Variants in CCDC63 observed in about 807,000 individuals in gnomAD.
CCDC63 encodes the protein coiled-coil domain-containing protein 63.
In CCDC63, 54 loss-of-function variants were observed where a neutral mutation model predicts 63.6. The ratio of observed to expected loss-of-function variants is 0.85; its 90% CI spans 0.68 to 1.07. The LOEUF (loss-of-function observed/expected upper bound fraction) is 1.07, where lower values mean the gene tolerates loss of function less well. Among genes scored for constraint, CCDC63 ranks in the 50% least tolerant of loss-of-function variants. The pLI, the probability that CCDC63 is intolerant of heterozygous loss-of-function variation, is 0.00. For synonymous variants in CCDC63, 253 were observed against 266.1 expected (o/e 0.95, Z 0.48); for missense variants, 637 against 689.6 (o/e 0.92, Z 0.86).
chr12:110,856,160 A>C (rs576053061), intron 3 of CCDC63, among the ~76,000 whole-genome samples: 32 of 144,014 alleles, frequency 2.2e-4, no homozygotes, highest in Non-Finnish European at 4.3e-4. Flanking sequence ...AATTTGGCTC[A>C]CTGCAACCTC....
At chr12:110,854,957 C>T (rs1267733752) in intron 3 of CCDC63, among the ~76,000 whole-genome samples, 1 of 152,004 alleles carries the variant, frequency 6.6e-6, no homozygotes, top group Non-Finnish European at 1.5e-5. Context: ...TGCCAGCACG[C>T]CTGGCTAATT....
chr12:110,867,393 C>T (rs1490638304), intron 4 of CCDC63, among the ~76,000 whole-genome samples: 35 of 124,178 alleles, frequency 2.8e-4, no homozygotes, highest in South Asian at 2.7e-4. Flanking sequence ...GCTGGCCGGG[C>T]GGGGGGCTGA....
intron 8 of CCDC63, among the ~76,000 whole-genome samples, chr12:110,886,875 A>G (rs1593683635): frequency 6.6e-6 from 1 of 152,248 alleles, no homozygotes; most frequent in East Asian, 1.9e-4. Context: ...CAGGACAGGC[A>G]CAGGAAATGG....
chr12:110,857,062 C>T (rs1197185421), intron 3 of CCDC63, among the ~76,000 whole-genome samples: 1 of 152,028 alleles, frequency 6.6e-6, no homozygotes, highest in Non-Finnish European at 1.5e-5. Context: ...GCCTCGGCCT[C>T]CCAAAGTGCT....
intron 10 of CCDC63, 57 bp from the exon 11 acceptor site, chr12:110,904,531 G>A (rs1420008015): frequency 5.3e-6 from 8 of 1,514,224 alleles, no homozygotes; most frequent in Non-Finnish European, 7.3e-6. Context: ...ACCACCCACA[G>A]TGCCCCCAGG....
At chr12:110,880,785 G>GTGA (rs755723385) in intron 6 of CCDC63, among the ~76,000 whole-genome samples, 3 of 1,104 alleles carry the variant, frequency 2.7e-3, no homozygotes, top group African/African-American at 0.014. Flanking sequence ...GATGATGGTG[G>GTGA]TGATGATGAT....
chr12:110,903,798 G>C (rs1189202679), intron 10 of CCDC63, among the ~76,000 whole-genome samples: 1 of 152,156 alleles, frequency 6.6e-6, no homozygotes, highest in Non-Finnish European at 1.5e-5. Flanking sequence ...AGTGTGTAGG[G>C]AAAGGCATTC....
At chr12:110,876,559 C>A (rs1309208702) in intron 5 of CCDC63, among the ~76,000 whole-genome samples, 1 of 152,136 alleles carries the variant, frequency 6.6e-6, no homozygotes, top group Non-Finnish European at 1.5e-5. Context: ...CCGGTTGCTT[C>A]ACTTGCTTTA....
At chr12:110,847,257 A>G (rs1398603042) in intron 1 of CCDC63, among the ~76,000 whole-genome samples, 152 bp downstream of exon 1, 31 of 152,206 alleles carry the variant, frequency 2.0e-4, no homozygotes, top group Admixed American at 2.0e-3. Context: ...GCATAAATAA[A>G]TTGTAGTGTG....
intron 4 of CCDC63, among the ~76,000 whole-genome samples, chr12:110,859,497 G>A (rs924582480): frequency 5.9e-5 from 9 of 151,804 alleles, no homozygotes; most frequent in Non-Finnish European, 1.3e-4. Flanking sequence ...GTAGAGACAG[G>A]GTTTCACCAT....
In CCDC63 at chr12:110,907,443, T is replaced by C. The variant is rs150312719; in HGVS notation, c.1659T>C (p.Asp553=). The part of the protein sequence containing the change: ...VRGDSLPEKV[D]DFRSRKKVTM ...GAGACAGCCTGCCTGAGAAGGTGGATGACTTCAGATCCAGGAAGAAAGTAA... is the reference window on the plus strand; with the variant it reads ...GAGACAGCCTGCCTGAGAAGGTGGACGACTTCAGATCCAGGAAGAAAGTAA... Residue 553 remains aspartate (D), a synonymous_variant, in exon 12 of 12, where the codon GAT becomes GAC. Coordinates refer to ENST00000308208, the MANE Select transcript of CCDC63 (RefSeq NM_152591.3). This position sits in a 1 kb window ranked among gnomAD's most constrained non-coding sequence, Gnocchi z 4.4. 2 of 1,614,082 alleles carry C rather than the reference T, an allele frequency of 1.2e-6. No homozygotes were observed. The highest frequency in any genetic ancestry group is 2.7e-5 in the African/African-American group (2 of 74,928).
chr12:110,899,008 C>A lies in CCDC63; in HGVS notation c.1225C>A (p.Leu409Ile). 1.2e-6 allele frequency: 2 copies of A among 1,613,598 alleles called. No individual in the cohort carries two copies. The highest frequency in any genetic ancestry group is 1.7e-6 in the Non-Finnish European group (2 of 1,179,832). Residue 409 changes from leucine to isoleucine, a missense_variant, in exon 10 of 12, where the codon CTA becomes ATA. Leu to Ile is a conservative substitution (Grantham distance 5). Coordinates refer to ENST00000308208, the MANE Select transcript of CCDC63 (RefSeq NM_152591.3). ...CGGGGAGGTCAGCAAGACCTTGGAT[C>A]TATTGAAGAACTCAGTGGAGAAACT... is the stretch of plus-strand genomic sequence containing the variant. ...KYGEVSKTLDLLKNSVEKLFK... is the reference protein window; with the variant it reads ...KYGEVSKTLDILKNSVEKLFK...
chr12:110,899,911 A>G (rs1326498449), intron 10 of CCDC63, among the ~76,000 whole-genome samples: 3 of 152,010 alleles, frequency 2.0e-5, no homozygotes, highest in Admixed American at 2.0e-4. Context: ...AAAGACATCT[A>G]CAAAAAACCA....
chr12:110,894,001 A>G (rs1339669661), intron 9 of CCDC63, among the ~76,000 whole-genome samples: 3 of 151,912 alleles, frequency 2.0e-5, no homozygotes, highest in African/African-American at 7.3e-5. Context: ...AAAAAAAAAA[A>G]AAAAAAGGAA....
At chr12:110,862,830 A>G (rs2136660290) in intron 4 of CCDC63, among the ~76,000 whole-genome samples, 1 of 150,578 alleles carries the variant, frequency 6.6e-6, no homozygotes, top group South Asian at 2.1e-4. Flanking sequence ...ATCTCAGCTC[A>G]CTGCAACCTC....
chr12:110,860,248 G>A (rs147879175), intron 4 of CCDC63, among the ~76,000 whole-genome samples: 205 of 152,354 alleles, frequency 1.3e-3, no homozygotes, highest in African/African-American at 4.5e-3. Context: ...GAGCCCCTCA[G>A]CGATGCAGCC....
intron 4 of CCDC63, among the ~76,000 whole-genome samples, chr12:110,860,872 A>G (rs1371221082): frequency 6.6e-6 from 1 of 152,244 alleles, no homozygotes; most frequent in Non-Finnish European, 1.5e-5. Context: ...GACAGGCGTG[A>G]GCCGCGGCAT....
intron 5 of CCDC63, among the ~76,000 whole-genome samples, chr12:110,875,054 C>G (rs2071113561): frequency 6.6e-6 from 1 of 152,140 alleles, no homozygotes; most frequent in South Asian, 2.1e-4. Context: ...TCTTAGCTTC[C>G]CCCAGACTTT....
intron 4 of CCDC63, among the ~76,000 whole-genome samples, 182 bp from the exon 5 acceptor site, chr12:110,873,660 A>G (rs2071093582): frequency 6.6e-6 from 1 of 152,174 alleles, no homozygotes; most frequent in Admixed American, 6.5e-5. Context: ...GATAAGTTAA[A>G]ATTCCATTTA....
Sources: allele counts gnomAD v4.1 joint callset (sites outside exome capture counted in the v4.1 genomes callset), GRCh38; gene constraint gnomAD v4.1.1; non-coding constraint Gnocchi (gnomAD v3.1); transcripts MANE v1.5; gene names NCBI Gene and HGNC (gene_info 2026-07-23, HGNC 2026-07-21).